The following FBXO4 variants were observed in gnomAD, a reference collection of about 807,000 sequenced individuals.
FBXO4 encodes F-box protein 4, also known as F-box only protein 4.
A neutral mutation model predicts 43.7 loss-of-function variants in FBXO4; 36 were observed. That is an observed-to-expected ratio of 0.82 (90% CI 0.63 to 1.09). FBXO4 has a LOEUF of 1.09. FBXO4 is among the 50% of genes least tolerant of loss of function. The probability of loss-of-function intolerance (pLI) is 0.00; values close to 1 mark genes in which losing one functional copy is unlikely to be tolerated. For missense variants in FBXO4, 435 were observed against 474.1 expected (o/e 0.92, Z 0.77); for synonymous variants, 180 against 165.6 (o/e 1.09, Z -0.67).
the FBXO4 span, among the ~76,000 whole-genome samples, chr5:41,966,261 C>T: frequency 2.6e-5 from 4 of 151,910 alleles, no homozygotes; most frequent in East Asian, 1.9e-4. Flanking sequence ...CTAACCTGCA[C>T]GTTGTGCACA....
the FBXO4 span, among the ~76,000 whole-genome samples, chr5:41,969,310 A>G: frequency 1.3e-5 from 2 of 152,210 alleles, no homozygotes; most frequent in Non-Finnish European, 2.9e-5. Flanking sequence ...TAAAACAAAC[A>G]CTTGTGTAAC....
chr5:42,011,691 G>A, the FBXO4 span, among the ~76,000 whole-genome samples: 1 of 152,122 alleles, frequency 6.6e-6, no homozygotes, highest in Non-Finnish European at 1.5e-5. Context: ...CTCTAAGGAA[G>A]GGTTTCCTAA....
chr5:41,957,979 G>A, the FBXO4 span, among the ~76,000 whole-genome samples: 3 of 151,872 alleles, frequency 2.0e-5, no homozygotes, highest in Admixed American at 6.6e-5. Flanking sequence ...CTTTTAAATC[G>A]ATGAGTAAAA....
At chr5:42,009,364 A>AGTGT in the FBXO4 span, among the ~76,000 whole-genome samples, 5 of 127,980 alleles carry the variant, frequency 3.9e-5, no homozygotes, top group African/African-American at 1.5e-4. Flanking sequence ...TGGGAATTGG[A>AGTGT]GTGTGTGTGT....
the FBXO4 span, among the ~76,000 whole-genome samples, chr5:41,999,425 T>C: frequency 1.4e-5 from 2 of 141,296 alleles, no homozygotes. Context: ...TGTATAAATA[T>C]ATATATAAAA....
chr5:41,993,391 A>C, the FBXO4 span, among the ~76,000 whole-genome samples: 1 of 152,102 alleles, frequency 6.6e-6, no homozygotes, highest in Non-Finnish European at 1.5e-5. Flanking sequence ...ACTTTGTGGA[A>C]TGATTACTGA....
chr5:41,957,905 T>C, the FBXO4 span, among the ~76,000 whole-genome samples: 1 of 152,130 alleles, frequency 6.6e-6, no homozygotes, highest in Non-Finnish European at 1.5e-5. Flanking sequence ...AACGTGGAGA[T>C]ATGAGTTAAT....
downstream of FBXO4, among the ~76,000 whole-genome samples, chr5:41,944,454 C>T (rs1752047852): frequency 6.6e-6 from 1 of 152,152 alleles, no homozygotes. Context: ...GAAACTTTCT[C>T]AGCCTGTTTG....
the FBXO4 span, among the ~76,000 whole-genome samples, chr5:42,009,975 C>A: frequency 6.6e-6 from 1 of 152,106 alleles, no homozygotes; most frequent in Non-Finnish European, 1.5e-5. Flanking sequence ...TACTTCATGT[C>A]TCTATAAATT....
Position 41,934,008 on chromosome 5 carries a change from T to C in FBXO4, c.709T>C (p.Tyr237His), listed in dbSNP as rs141675593. The stretch of plus-strand genomic sequence containing the variant: ...ACATAAATTCAACATTCTAATCTTA[T>C]ATTCAACTACCAGGTAAGGCTACAT... ...NQHKFNILIL[Y>H]STTRKERDRA... The change falls in exon 4 of 7, where the codon TAT (tyrosine) becomes CAT (histidine). Residue 237 changes from tyrosine (Y) to histidine (H), a missense_variant. Physicochemically the swap from Tyr to His is moderately conservative, Grantham distance 83. Transcript: ENST00000281623. The C allele has an allele frequency of 3.6e-3, 5,745 of 1,613,874 alleles. 15 individuals are homozygous for C. The highest frequency in any genetic ancestry group is 4.0e-3 in the Non-Finnish European group (4,674 of 1,179,848).
the FBXO4 span, among the ~76,000 whole-genome samples, chr5:42,017,230 C>T: frequency 1.3e-5 from 2 of 151,482 alleles, no homozygotes; most frequent in Admixed American, 6.6e-5. Context: ...AAATCTAAAA[C>T]AAATGCAAGA....
chr5:41,930,006 T>C (rs974653888), intron 3 of FBXO4, 89 bp downstream of exon 3: 1 of 1,112,636 alleles, frequency 9.0e-7, no homozygotes, highest in African/African-American at 1.6e-5. Context: ...AAATTAATTA[T>C]TTGCTATAAT....
At chr5:42,025,976 A>G in the FBXO4 span, among the ~76,000 whole-genome samples, 1 of 151,816 alleles carries the variant, frequency 6.6e-6, no homozygotes, top group East Asian at 1.9e-4. Flanking sequence ...AGGTAATGTG[A>G]TTCCTTCAGT....
chr5:41,937,124 C>T (rs948069790), intron 5 of FBXO4, among the ~76,000 whole-genome samples: 1 of 151,904 alleles, frequency 6.6e-6, no homozygotes, highest in African/African-American at 2.4e-5. Flanking sequence ...CAGATAATGG[C>T]CAGAATTATC....
chr5:41,930,345 T>TA (rs1751647842), intron 3 of FBXO4, among the ~76,000 whole-genome samples: 1 of 152,242 alleles, frequency 6.6e-6, no homozygotes, highest in Non-Finnish European at 1.5e-5. Context: ...GGATAAATAG[T>TA]AAATGTAAGT....
chr5:42,009,309 C>T, the FBXO4 span, among the ~76,000 whole-genome samples: 1 of 151,978 alleles, frequency 6.6e-6, no homozygotes, highest in African/African-American at 2.4e-5. Context: ...GTTCCTTTGG[C>T]TTCCCTTCTC....
chr5:42,020,681 C>T, the FBXO4 span, among the ~76,000 whole-genome samples: 5 of 152,080 alleles, frequency 3.3e-5, no homozygotes, highest in Admixed American at 1.3e-4. Context: ...GTTTGCATTC[C>T]GGGGAGGAAG....
At chr5:41,961,199 G>T in the FBXO4 span, among the ~76,000 whole-genome samples, 2 of 152,096 alleles carry the variant, frequency 1.3e-5, no homozygotes, top group Non-Finnish European at 2.9e-5. Context: ...AAGGTTACAG[G>T]CATCTTCAGT....
At chr5:41,972,528 T>A in the FBXO4 span, among the ~76,000 whole-genome samples, 1 of 152,280 alleles carries the variant, frequency 6.6e-6, no homozygotes, top group Non-Finnish European at 1.5e-5. Context: ...GTTATTCTTA[T>A]CAAACCACCA....
Sources: allele counts gnomAD v4.1 joint callset (sites outside exome capture counted in the v4.1 genomes callset), GRCh38; gene constraint gnomAD v4.1.1; transcripts MANE v1.5; gene names NCBI Gene and HGNC (gene_info 2026-07-23, HGNC 2026-07-21).